The following CNTNAP5 variants were observed in gnomAD, a reference collection of about 807,000 sequenced individuals.
CNTNAP5 encodes the protein contactin-associated protein-like 5.
Under a neutral mutation model 150.2 loss-of-function variants are expected in CNTNAP5, and 72 were observed. That is an observed-to-expected ratio of 0.48 (90% CI 0.40 to 0.58). CNTNAP5 has a LOEUF of 0.58. Ranked by LOEUF, CNTNAP5 falls within the 20% of genes least tolerant of loss-of-function variation. The probability of loss-of-function intolerance (pLI) is 0.00; values close to 1 mark genes in which losing one functional copy is unlikely to be tolerated. For missense variants in CNTNAP5, 1,636 were observed against 1,626.2 expected (o/e 1.01, Z -0.10); for synonymous variants, 672 against 619.8 (o/e 1.08, Z -1.25).
At chr2:124,053,010 C>T (rs375567670) in intron 1 of CNTNAP5, among the ~76,000 whole-genome samples, 9 of 149,634 alleles carry the variant, frequency 6.0e-5, no homozygotes, top group Admixed American at 3.4e-4. Context: ...CTCCCTCCCC[C>T]GTCCCTGCTC....
At chr2:124,884,149 A>G (rs1018625795) in intron 21 of CNTNAP5, among the ~76,000 whole-genome samples, 7 of 151,878 alleles carry the variant, frequency 4.6e-5, no homozygotes, top group African/African-American at 1.7e-4. Flanking sequence ...TGTGTATTTG[A>G]ATATCTGTAC....
At chr2:124,488,805 A>C (rs1263503866) in intron 7 of CNTNAP5, among the ~76,000 whole-genome samples, 1 of 152,230 alleles carries the variant, frequency 6.6e-6, no homozygotes. Context: ...GCATCTTCTC[A>C]TAGAAGGCTG....
chr2:124,345,463 A>C (rs1689715769), intron 3 of CNTNAP5, among the ~76,000 whole-genome samples: 1 of 152,184 alleles, frequency 6.6e-6, no homozygotes, highest in South Asian at 2.1e-4. Context: ...TGCTGTCATT[A>C]GTATGGGGGA....
At chr2:124,733,516 G>T (rs1390547708) in intron 13 of CNTNAP5, among the ~76,000 whole-genome samples, 4 of 151,960 alleles carry the variant, frequency 2.6e-5, no homozygotes, top group African/African-American at 9.7e-5. Flanking sequence ...AATTATGTTA[G>T]CAGAAATTCA....
chr2:124,220,507 A>G (rs1686277333), intron 1 of CNTNAP5, among the ~76,000 whole-genome samples: 1 of 152,166 alleles, frequency 6.6e-6, no homozygotes, highest in South Asian at 2.1e-4. Context: ...AATGGAAAAT[A>G]CAAACAGATA....
At chr2:124,415,621 G>T (rs1239105611) in intron 3 of CNTNAP5, among the ~76,000 whole-genome samples, 1 of 152,152 alleles carries the variant, frequency 6.6e-6, no homozygotes, top group Non-Finnish European at 1.5e-5. Flanking sequence ...CAGCAAGTAG[G>T]TTTTATCTAT....
At chr2:124,400,674 TTTTTTTTTTTTTTTG>T (rs1691390698) in intron 3 of CNTNAP5, among the ~76,000 whole-genome samples, 3 of 91,550 alleles carry the variant, frequency 3.3e-5, no homozygotes, top group Non-Finnish European at 5.7e-5. Context: ...GCATTGTTTT[TTTTTTTTTTTTTTTG>T]TTTTTTTTCT....
chr2:124,225,501 A>G (rs1686433865), intron 2 of CNTNAP5, among the ~76,000 whole-genome samples: 1 of 152,168 alleles, frequency 6.6e-6, no homozygotes, highest in Admixed American at 6.6e-5. Flanking sequence ...AGTATAATTG[A>G]CAAATAAAAC....
chr2:124,648,112 T>C (rs952944224), intron 13 of CNTNAP5, among the ~76,000 whole-genome samples, 154 bp downstream of exon 13: 20 of 152,208 alleles, frequency 1.3e-4, no homozygotes, highest in African/African-American at 4.8e-4. Context: ...GGTTATGTAG[T>C]AATCCTGGCT....
At chr2:124,109,685 C>T (rs1683251996) in intron 1 of CNTNAP5, among the ~76,000 whole-genome samples, 1 of 152,154 alleles carries the variant, frequency 6.6e-6, no homozygotes, top group East Asian at 1.9e-4. Context: ...ACAGGTGTGG[C>T]TGGCTACATC....
chr2:124,413,988 AAG>A (rs1430839548), intron 3 of CNTNAP5, among the ~76,000 whole-genome samples: 2 of 152,010 alleles, frequency 1.3e-5, no homozygotes, highest in African/African-American at 4.8e-5. Flanking sequence ...AGGGGAAGGT[AAG>A]AGAGATTTGA....
At position 124,759,522 on chromosome 2, in the gene CNTNAP5, T is replaced by C. The variant is rs1430876257; in HGVS notation, c.2235-4150T>C. Among the ~76,000 whole-genome samples, 3 of 151,154 alleles carry C rather than the reference T, an allele frequency of 2.0e-5. No individual in the cohort carries two copies. The East Asian group carries it at 5.8e-4, about 29-fold the overall frequency. On this transcript the variant is annotated intron_variant, in intron 14 of 23. Coordinates refer to ENST00000682447, the MANE Select transcript of CNTNAP5 (RefSeq NM_001367498.1). ...ATCTTCATCTGTGGTATTTTTAAAA[T>C]CAGTTTTACATCTCTAACGTCTTGA...
chr2:124,243,538 CTT>C (rs1686940417), intron 3 of CNTNAP5, among the ~76,000 whole-genome samples: 1 of 152,060 alleles, frequency 6.6e-6, no homozygotes, highest in African/African-American at 2.4e-5. Context: ...TTCTGGGTCA[CTT>C]GTAATATTAG....
At chr2:124,667,548 T>C (rs1319095913) in intron 13 of CNTNAP5, among the ~76,000 whole-genome samples, 1 of 152,216 alleles carries the variant, frequency 6.6e-6, no homozygotes, top group Non-Finnish European at 1.5e-5. Flanking sequence ...GGTGTGTTCT[T>C]CCCTGCCTCA....
At chr2:124,865,018 T>G (rs971663138) in intron 19 of CNTNAP5, among the ~76,000 whole-genome samples, 1 of 152,098 alleles carries the variant, frequency 6.6e-6, no homozygotes, top group African/African-American at 2.4e-5. Context: ...AGTTTCATGA[T>G]CCAATTACAA....
chr2:124,764,576 C>A (rs1681028335), intron 16 of CNTNAP5, among the ~76,000 whole-genome samples: 1 of 152,116 alleles, frequency 6.6e-6, no homozygotes, highest in Non-Finnish European at 1.5e-5. Flanking sequence ...ACACTAGGAG[C>A]GTGTGACTAT....
intron 19 of CNTNAP5, among the ~76,000 whole-genome samples, chr2:124,820,479 A>G (rs1682463421): frequency 6.6e-6 from 1 of 152,086 alleles, no homozygotes; most frequent in South Asian, 2.1e-4. Flanking sequence ...GGAAAAAAAA[A>G]ACAATAAAAA....
chr2:124,053,976 G>A (rs1372055454), intron 1 of CNTNAP5, among the ~76,000 whole-genome samples: 1 of 152,108 alleles, frequency 6.6e-6, no homozygotes, highest in African/African-American at 2.4e-5. Context: ...CTGAGGAATT[G>A]GAATGAAACA....
At chr2:124,468,345 C>T (rs1320938977) in intron 6 of CNTNAP5, among the ~76,000 whole-genome samples, 1 of 152,004 alleles carries the variant, frequency 6.6e-6, no homozygotes, top group African/African-American at 2.4e-5. Context: ...TGGCAGAAGG[C>T]CCAAGAGTCC....
Sources: allele counts gnomAD v4.1 joint callset (sites outside exome capture counted in the v4.1 genomes callset), GRCh38; gene constraint gnomAD v4.1.1; transcripts MANE v1.5; gene names NCBI Gene and HGNC (gene_info 2026-07-23, HGNC 2026-07-21).